The following PTPRT variants were observed in gnomAD, a reference collection of about 807,000 sequenced individuals.
The protein encoded by PTPRT is receptor-type tyrosine-protein phosphatase T.
A neutral mutation model predicts 176.8 loss-of-function variants in PTPRT; 56 were observed. The observed-to-expected ratio is 0.32, with a 90% CI of 0.26 to 0.40. The LOEUF (loss-of-function observed/expected upper bound fraction) is 0.40, where lower values mean the gene tolerates loss of function less well. Ranked by LOEUF, PTPRT falls within the 10% of genes least tolerant of loss-of-function variation. PTPRT has a pLI of 1.00. For missense variants in PTPRT, 1,540 were observed against 1,908.2 expected, an observed-to-expected ratio of 0.81 and a Z score of 3.60; for synonymous variants, 783 against 739.0, an observed-to-expected ratio of 1.06 and a Z score of -0.96.
chr20:43,087,287 AT>A (rs1372060405), intron 1 of PTPRT, among the ~76,000 whole-genome samples: 2 of 150,562 alleles, frequency 1.3e-5, no homozygotes, highest in African/African-American at 4.9e-5. Flanking sequence ...GTTAACCAAT[AT>A]TGAACCGAGA....
intron 22 of PTPRT, among the ~76,000 whole-genome samples, chr20:42,111,825 C>A (rs1453415704): frequency 6.6e-6 from 1 of 152,166 alleles, no homozygotes; most frequent in Non-Finnish European, 1.5e-5. Context: ...CTTAATCATT[C>A]TAATATAGTG....
chr20:42,809,620 G>T (rs974153612), intron 2 of PTPRT, among the ~76,000 whole-genome samples: 1 of 152,194 alleles, frequency 6.6e-6, no homozygotes, highest in Non-Finnish European at 1.5e-5. Context: ...GGCCGTGGGG[G>T]AAGTCTCTAG....
intron 2 of PTPRT, among the ~76,000 whole-genome samples, chr20:42,848,401 G>A (rs944223954): frequency 6.6e-5 from 10 of 152,160 alleles, no homozygotes; most frequent in Admixed American, 1.3e-4. Flanking sequence ...CCTCCACACT[G>A]TTTTGTATAG....
At chr20:42,914,684 G>A (rs1033940708) in intron 1 of PTPRT, among the ~76,000 whole-genome samples, 2 of 152,118 alleles carry the variant, frequency 1.3e-5, no homozygotes, top group Admixed American at 1.3e-4. Context: ...TTGAGGGTGA[G>A]GGAAGGATTT....
intron 1 of PTPRT, among the ~76,000 whole-genome samples, chr20:43,080,378 A>T (rs990860678): frequency 6.6e-6 from 1 of 152,260 alleles, no homozygotes; most frequent in African/African-American, 2.4e-5. Flanking sequence ...CTTTGTTATC[A>T]TAAGCCACTG....
chr20:42,327,765 A>G (rs1387415067), intron 11 of PTPRT, among the ~76,000 whole-genome samples: 2 of 152,126 alleles, frequency 1.3e-5, no homozygotes, highest in East Asian at 3.8e-4. Context: ...TAATAGAACA[A>G]TTTACAAAAG....
intron 2 of PTPRT, among the ~76,000 whole-genome samples, chr20:42,884,888 G>GCTT (rs1229215608): frequency 6.6e-6 from 1 of 152,026 alleles, no homozygotes; most frequent in African/African-American, 2.4e-5. Flanking sequence ...ACTCTTCCTG[G>GCTT]CTTCTATCAC....
intron 7 of PTPRT, among the ~76,000 whole-genome samples, chr20:42,582,736 T>C (rs1224311430): frequency 6.6e-6 from 1 of 152,112 alleles, no homozygotes; most frequent in East Asian, 1.9e-4. Flanking sequence ...CTGGAAGAAA[T>C]TAACTCTGAT....
At chr20:42,230,879 C>T (rs1263296107) in intron 15 of PTPRT, among the ~76,000 whole-genome samples, 2 of 152,148 alleles carry the variant, frequency 1.3e-5, no homozygotes, top group African/African-American at 2.4e-5. Flanking sequence ...TCCCTGGGTC[C>T]CCAGATCCCT....
Position 42,110,240 on chromosome 20 carries a change from C to T in PTPRT, c.3254+93G>A, listed in dbSNP as rs142689649. 167 of 1,200,734 alleles carry T rather than the reference C, an allele frequency of 1.4e-4. 1 individual carries two copies. The highest frequency in any genetic ancestry group is 1.2e-3 in the Middle Eastern group (5 of 4,280). 74.4% of individuals were successfully genotyped at this position (1,200,734 alleles called of 1,614,324 possible). ...TTTTTGTATCTTTCTTTAGTAGAGA[C>T]GAGGTTTCACCACGTTGGCCAGGCT... On this transcript the variant is annotated intron_variant, in intron 23 of 30. Transcript: ENST00000373187.
chr20:42,910,609 T>C (rs894439236), intron 1 of PTPRT, among the ~76,000 whole-genome samples: 1 of 152,138 alleles, frequency 6.6e-6, no homozygotes, highest in Non-Finnish European at 1.5e-5. Context: ...ACATACTTGA[T>C]CTCAGCCATA....
At chr20:42,397,589 G>C (rs2058863981) in intron 9 of PTPRT, among the ~76,000 whole-genome samples, 1 of 152,158 alleles carries the variant, frequency 6.6e-6, no homozygotes, top group Non-Finnish European at 1.5e-5. Flanking sequence ...ACGGCTTTCA[G>C]TTGCATCCAT....
At chr20:42,768,997 A>C (rs1225101487) in intron 5 of PTPRT, among the ~76,000 whole-genome samples, 1 of 152,238 alleles carries the variant, frequency 6.6e-6, no homozygotes, top group Admixed American at 6.5e-5. Context: ...CCTCATTCTC[A>C]TGACCCAGCT....
chr20:42,440,627 G>A (rs540563625), intron 9 of PTPRT, among the ~76,000 whole-genome samples: 65 of 151,912 alleles, frequency 4.3e-4, no homozygotes, highest in African/African-American at 1.3e-3. Flanking sequence ...ACAGGTGCCC[G>A]CCACCACACC....
At chr20:42,689,819 G>C (rs923019004) in intron 6 of PTPRT, among the ~76,000 whole-genome samples, 1 of 152,112 alleles carries the variant, frequency 6.6e-6, no homozygotes, top group African/African-American at 2.4e-5. Flanking sequence ...AGCTGGTGAC[G>C]TCTAGAATCT....
chr20:42,419,296 T>C (rs1483485613), intron 9 of PTPRT, among the ~76,000 whole-genome samples: 1 of 152,178 alleles, frequency 6.6e-6, no homozygotes, highest in African/African-American at 2.4e-5. Context: ...CAGTTGCACA[T>C]GCACACAATT....
At chr20:42,113,615 C>T (rs998364918) in intron 22 of PTPRT, among the ~76,000 whole-genome samples, 3 of 152,194 alleles carry the variant, frequency 2.0e-5, no homozygotes, top group Admixed American at 6.5e-5. Context: ...ATAGTTTATC[C>T]TTGGAGGTTC....
intron 1 of PTPRT, among the ~76,000 whole-genome samples, chr20:43,175,068 T>C (rs890302854): frequency 5.3e-5 from 8 of 152,264 alleles, no homozygotes; most frequent in South Asian, 2.1e-4. Flanking sequence ...TTGAGTCAAA[T>C]GTGCCTTTCT....
chr20:42,708,447 T>A (rs555294033), intron 6 of PTPRT, among the ~76,000 whole-genome samples: 19 of 152,294 alleles, frequency 1.2e-4, no homozygotes, highest in South Asian at 8.3e-4. Flanking sequence ...TAGATTAATA[T>A]ATCACCACAT....
Sources: gnomAD v4.1 joint callset for allele counts (sites outside exome capture counted in the v4.1 genomes callset) on GRCh38, gnomAD v4.1.1 for gene constraint, MANE v1.5 for transcripts, NCBI Gene and HGNC (gene_info 2026-07-23, HGNC 2026-07-21) for gene names.